The following THADA variants were observed in gnomAD, a reference collection of about 807,000 sequenced individuals.
The protein encoded by THADA is tRNA (32-2'-O)-methyltransferase regulator THADA.
In THADA, 213 loss-of-function variants were observed where a neutral mutation model predicts 219.8. The observed-to-expected ratio is 0.97, with a 90% CI of 0.87 to 1.09. The LOEUF (loss-of-function observed/expected upper bound fraction) is 1.09, where lower values mean the gene tolerates loss of function less well. Among genes scored for constraint, THADA ranks in the 50% least tolerant of loss-of-function variants. The probability of loss-of-function intolerance (pLI) is 0.00; values close to 1 mark genes in which losing one functional copy is unlikely to be tolerated. For synonymous variants in THADA, 1,018 were observed against 828.9 expected, an observed-to-expected ratio of 1.23 and a Z score of -3.92; for missense variants, 2,956 against 2,311.3, an observed-to-expected ratio of 1.28 and a Z score of -5.72.
chr2:43,313,134 C>G (rs1285275447), intron 31 of THADA, among the ~76,000 whole-genome samples: 1 of 152,156 alleles, frequency 6.6e-6, no homozygotes, highest in African/African-American at 2.4e-5. Context: ...TTAGGCAGTA[C>G]AAATACAGGG....
chr2:43,323,200 G>A (rs1037924135), intron 30 of THADA, among the ~76,000 whole-genome samples: 8 of 152,028 alleles, frequency 5.3e-5, no homozygotes, highest in African/African-American at 1.9e-4. Context: ...GAAGTGCAGT[G>A]GCATGATCAT....
In THADA at chr2:43,515,247, A is replaced by T. The variant is rs750748296; in HGVS notation, c.3375-6467T>A. Among the ~76,000 whole-genome samples, 17 of 2,178 alleles carry T rather than the reference A, an allele frequency of 7.8e-3. 3 individuals carry two copies. Among genetic ancestry groups the T allele is most frequent in the African/African-American group, 0.036 (10 of 274 alleles). The allele number at this position is 2,178 out of a possible 152,430, so 1.4% of individuals were successfully genotyped here. On this transcript the variant is annotated intron_variant, in intron 22 of 37. Coordinates refer to ENST00000405975, the MANE Select transcript of THADA (RefSeq NM_022065.5). The stretch of plus-strand genomic sequence containing the variant: ...ATATATAATATATAATATATAATAT[A>T]TTATATATAATATATAATATATAAT...
At chr2:43,532,412 CAAAAAAAAAAAA>C (rs773523844) in intron 21 of THADA, among the ~76,000 whole-genome samples, 1 of 47,258 alleles carries the variant, frequency 2.1e-5, no homozygotes, top group African/African-American at 7.8e-5. Context: ...GACTCCACCT[CAAAAAAAAAAAA>C]AAAAAAAAAA....
chr2:43,509,441 C>T lies in THADA; in HGVS notation c.3375-661G>A, dbSNP rs528223652. Among the ~76,000 whole-genome samples, 13 of 152,216 alleles carry T rather than the reference C, an allele frequency of 8.5e-5. No homozygotes were observed. The South Asian group carries it at 2.7e-3, about 32-fold the overall frequency. ...TGCCCTACTAGACTGTATAACATTGCCCAAGGAATACCAAATTCAGTGGTA... is the reference window on the plus strand; with the variant it reads ...TGCCCTACTAGACTGTATAACATTGTCCAAGGAATACCAAATTCAGTGGTA... On this transcript the variant is annotated intron_variant, in intron 22 of 37. Coordinates refer to ENST00000405975, the MANE Select transcript of THADA (RefSeq NM_022065.5).
chr2:43,237,679 G>A (rs113542380), intron 36 of THADA, among the ~76,000 whole-genome samples: 7,045 of 151,966 alleles, frequency 0.046, 214 homozygotes, highest in Non-Finnish European at 0.074. Flanking sequence ...GATTACAGGC[G>A]TGAGCCACCA....
At chr2:43,276,211 T>G (rs1672707539) in intron 36 of THADA, among the ~76,000 whole-genome samples, 1 of 152,128 alleles carries the variant, frequency 6.6e-6, no homozygotes, top group Non-Finnish European at 1.5e-5. Context: ...GCTCCATGAT[T>G]GGTACAGAGT....
rs201525410 is a variant in THADA at position 43,549,896 on chromosome 2, A to C, written c.2948-528T>G. Among the ~76,000 whole-genome samples the C allele has an allele frequency of 2.3e-4, 35 of 152,336 alleles. 1 individual carries two copies. The East Asian group carries it at 6.6e-3, about 29-fold the overall frequency. ...GATAGAAAGGTAAAAAGACATTTTT[A>C]AAAACCCATCAACAGCAAAAACAAT... is the stretch of plus-strand genomic sequence containing the variant. On this transcript the variant is annotated intron_variant, in intron 19 of 37. Coordinates refer to ENST00000405975, the MANE Select transcript of THADA (RefSeq NM_022065.5).
intron 28 of THADA, among the ~76,000 whole-genome samples, chr2:43,400,129 G>A (rs762149027): frequency 2.0e-5 from 3 of 152,094 alleles, no homozygotes; most frequent in Non-Finnish European, 4.4e-5. Context: ...AGCAGTGACT[G>A]TACACTAAAG....
intron 28 of THADA, among the ~76,000 whole-genome samples, chr2:43,414,359 T>C (rs1459047487): frequency 6.6e-6 from 1 of 152,344 alleles, no homozygotes; most frequent in Non-Finnish European, 1.5e-5. Context: ...TGCGTGGATA[T>C]CTAGTCATTC....
intron 19 of THADA, 35 bp from the exon 20 acceptor site, chr2:43,549,403 T>C (rs1232317428): frequency 6.4e-7 from 1 of 1,569,526 alleles, no homozygotes; most frequent in African/African-American, 1.4e-5. Context: ...TGAAACCCAG[T>C]AACACATCAC....
At chr2:43,504,302 A>G (rs1182343366) in intron 24 of THADA, among the ~76,000 whole-genome samples, 1 of 152,210 alleles carries the variant, frequency 6.6e-6, no homozygotes, top group Non-Finnish European at 1.5e-5. Context: ...ACTGGCCACT[A>G]TGTGCCATAT....
At chr2:43,558,381 A>C (rs988176383) in intron 16 of THADA, among the ~76,000 whole-genome samples, 1 of 152,206 alleles carries the variant, frequency 6.6e-6, no homozygotes, top group African/African-American at 2.4e-5. Context: ...GATGGTTAAT[A>C]CTGAGTGTCA....
chr2:43,556,282 T>C (rs191811071), intron 17 of THADA, 63 bp downstream of exon 17: 2 of 1,582,204 alleles, frequency 1.3e-6, no homozygotes, highest in Admixed American at 1.8e-5. Flanking sequence ...CATTAGATAT[T>C]CTAACCAAAT....
chr2:43,547,813 T>C (rs980405519), intron 20 of THADA, among the ~76,000 whole-genome samples: 1 of 152,248 alleles, frequency 6.6e-6, no homozygotes, highest in Non-Finnish European at 1.5e-5. Context: ...GGTTTTAATT[T>C]CCTCCTGTAG....
chr2:43,541,121 C>A, intron 21 of THADA, 38 bp downstream of exon 21: 1 of 1,461,202 alleles, frequency 6.8e-7, no homozygotes, highest in South Asian at 1.5e-5. Context: ...TATGCGTTGA[C>A]CAGAAATTAT....
chr2:43,367,378 G>C (rs1573302262), intron 29 of THADA, among the ~76,000 whole-genome samples: 1 of 152,260 alleles, frequency 6.6e-6, no homozygotes. Flanking sequence ...CTACACTCAA[G>C]TCAGTATTAT....
chr2:43,410,351 T>C (rs1315636100), intron 28 of THADA, among the ~76,000 whole-genome samples: 1 of 152,208 alleles, frequency 6.6e-6, no homozygotes, highest in Non-Finnish European at 1.5e-5. Flanking sequence ...GTTAAATATA[T>C]ACTCACCACG....
chr2:43,313,825 C>G (rs1188838514), intron 31 of THADA, among the ~76,000 whole-genome samples: 1 of 152,234 alleles, frequency 6.6e-6, no homozygotes, highest in Non-Finnish European at 1.5e-5. Context: ...AAGCGAGTGA[C>G]TGATGTTTCC....
In THADA at chr2:43,339,337, G is replaced by A. The variant is rs936382910; in HGVS notation, c.4343+4785C>T. 2.6e-5 allele frequency among the ~76,000 whole-genome samples: 4 copies of A among 152,354 alleles called. No homozygotes were observed. In the South Asian group the frequency reaches 6.2e-4, roughly 24 times the overall value. On this transcript the variant is annotated intron_variant, in intron 30 of 37. Coordinates refer to ENST00000405975, the MANE Select transcript of THADA (RefSeq NM_022065.5). Reference sequence around the variant, plus strand: ...TCTCTGTTGCTCGGGTTGGAATGCAGTGGCATGATCTCAGCTCACTGAAAC... The same window carrying A: ...TCTCTGTTGCTCGGGTTGGAATGCAATGGCATGATCTCAGCTCACTGAAAC...
Sources: gnomAD v4.1 joint callset for allele counts (sites outside exome capture counted in the v4.1 genomes callset) on GRCh38, gnomAD v4.1.1 for gene constraint, MANE v1.5 for transcripts, NCBI Gene and HGNC (gene_info 2026-07-23, HGNC 2026-07-21) for gene names.